The following CHRM3 variants were observed in gnomAD, a reference collection of about 807,000 sequenced individuals.
CHRM3 encodes cholinergic receptor muscarinic 3, also known as muscarinic acetylcholine receptor M3.
A neutral mutation model predicts 41.8 loss-of-function variants in CHRM3; 11 were observed. The observed-to-expected ratio is 0.26, with a 90% CI of 0.17 to 0.44. The LOEUF is 0.44. Ranked by LOEUF, CHRM3 falls within the 20% of genes least tolerant of loss-of-function variation. The probability of loss-of-function intolerance (pLI) is 1.00; values close to 1 mark genes in which losing one functional copy is unlikely to be tolerated. For missense variants in CHRM3, 571 were observed against 745.4 expected (o/e 0.77, Z 2.72); for synonymous variants, 297 against 301.4 (o/e 0.99, Z 0.15).
chr1:239,825,778 G>A (rs1253623087), intron 5 of CHRM3, among the ~76,000 whole-genome samples: 18 of 151,966 alleles, frequency 1.2e-4, no homozygotes, highest in Admixed American at 1.1e-3. Context: ...GCAGTGGTGC[G>A]ATCATAGCTC....
intron 5 of CHRM3, among the ~76,000 whole-genome samples, chr1:239,702,917 C>A (rs1021212712): frequency 6.6e-6 from 1 of 152,186 alleles, no homozygotes; most frequent in Non-Finnish European, 1.5e-5. Context: ...CATCTATAAT[C>A]TATAATAGAT....
At chr1:239,845,710 T>C (rs1282367371) in intron 6 of CHRM3, among the ~76,000 whole-genome samples, 1 of 152,216 alleles carries the variant, frequency 6.6e-6, no homozygotes, top group Non-Finnish European at 1.5e-5. Context: ...ACTTAGTAAA[T>C]CTAAAGAACA....
chr1:239,805,268 C>A (rs1278195087), intron 5 of CHRM3, among the ~76,000 whole-genome samples: 1 of 152,144 alleles, frequency 6.6e-6, no homozygotes, highest in African/African-American at 2.4e-5. Context: ...ATGACATGAC[C>A]TCTGGTGTTA....
At chr1:239,723,124 T>C (rs1663127970) in intron 5 of CHRM3, among the ~76,000 whole-genome samples, 1 of 151,936 alleles carries the variant, frequency 6.6e-6, no homozygotes, top group Non-Finnish European at 1.5e-5. Flanking sequence ...ATGTCAATAA[T>C]ATCTAAACTG....
At chr1:239,684,766 G>GAAAA (rs759296694) in intron 5 of CHRM3, among the ~76,000 whole-genome samples, 1 of 142,724 alleles carries the variant, frequency 7.0e-6, no homozygotes, top group Non-Finnish European at 1.6e-5. Flanking sequence ...AAGAAAGAAA[G>GAAAA]AAAGAGAAAG....
At chr1:239,804,473 T>C (rs1371301542) in intron 5 of CHRM3, among the ~76,000 whole-genome samples, 1 of 152,192 alleles carries the variant, frequency 6.6e-6, no homozygotes, top group East Asian at 1.9e-4. Context: ...TTGAGCTACA[T>C]TGTTTCCGCT....
chr1:239,502,555 A>C (rs1668306576), intron 2 of CHRM3, among the ~76,000 whole-genome samples: 1 of 152,208 alleles, frequency 6.6e-6, no homozygotes, highest in African/African-American at 2.4e-5. Flanking sequence ...CAAGGCAGAG[A>C]AAGAAGGAAC....
chr1:239,689,368 C>T (rs1327092119), intron 5 of CHRM3, among the ~76,000 whole-genome samples: 3 of 151,322 alleles, frequency 2.0e-5, no homozygotes, highest in Admixed American at 6.6e-5. Flanking sequence ...CCTTTGTGCA[C>T]GCAGAAAGAC....
intron 1 of CHRM3, among the ~76,000 whole-genome samples, chr1:239,425,558 C>A (rs1030608274): frequency 6.6e-6 from 1 of 152,144 alleles, no homozygotes; most frequent in Non-Finnish European, 1.5e-5. Flanking sequence ...TATTTGACTT[C>A]ATCTGTAGGT....
At chr1:239,728,836 T>A (rs1663688883) in intron 5 of CHRM3, among the ~76,000 whole-genome samples, 1 of 151,926 alleles carries the variant, frequency 6.6e-6, no homozygotes, top group Non-Finnish European at 1.5e-5. Context: ...ATTATTACTA[T>A]AGATTAAGCC....
At chr1:239,403,868 C>A (rs1332456385) in intron 1 of CHRM3, among the ~76,000 whole-genome samples, 1 of 148,166 alleles carries the variant, frequency 6.7e-6, no homozygotes, top group Non-Finnish European at 1.5e-5. Flanking sequence ...AATCTGCATT[C>A]TAAACACTGT....
At chr1:239,584,944 T>C (rs146588343) in intron 3 of CHRM3, among the ~76,000 whole-genome samples, 6 of 152,198 alleles carry the variant, frequency 3.9e-5, no homozygotes, top group African/African-American at 1.4e-4. Context: ...AATCCTAAGA[T>C]ACAATTAATT....
chr1:239,867,798 G>T (rs1397353165), intron 6 of CHRM3, among the ~76,000 whole-genome samples: 1 of 152,034 alleles, frequency 6.6e-6, no homozygotes, highest in Non-Finnish European at 1.5e-5. Context: ...TTCTGTTGGG[G>T]CCCAGAGACA....
At chr1:239,567,956 C>A (rs926950760) in intron 3 of CHRM3, among the ~76,000 whole-genome samples, 1 of 152,172 alleles carries the variant, frequency 6.6e-6, no homozygotes, top group African/African-American at 2.4e-5. Flanking sequence ...CACTTTGTCC[C>A]ATTTGGCTCC....
intron 5 of CHRM3, among the ~76,000 whole-genome samples, chr1:239,778,758 C>T (rs1310139005): frequency 6.6e-6 from 1 of 152,168 alleles, no homozygotes; most frequent in Non-Finnish European, 1.5e-5. Context: ...GGACATTACC[C>T]ACACACAATC....
intron 3 of CHRM3, among the ~76,000 whole-genome samples, chr1:239,587,172 C>T (rs2148617534): frequency 6.6e-6 from 1 of 152,234 alleles, no homozygotes; most frequent in Non-Finnish European, 1.5e-5. Context: ...CAAGCAGGCC[C>T]CTGGCCTCAC....
At chr1:239,639,931 A>T (rs902488318) in intron 4 of CHRM3, among the ~76,000 whole-genome samples, 1 of 150,564 alleles carries the variant, frequency 6.6e-6, no homozygotes, top group South Asian at 2.1e-4. Flanking sequence ...ATTTTGAGAT[A>T]TGTCCCATCA....
intron 6 of CHRM3, among the ~76,000 whole-genome samples, chr1:239,897,609 G>C (rs1000757538): frequency 1.3e-5 from 2 of 151,840 alleles, no homozygotes; most frequent in African/African-American, 2.4e-5. Flanking sequence ...GTTTGCAGTG[G>C]AACAGAATCC....
chr1:239,530,886 GGCAGA>G (rs1245071862), intron 2 of CHRM3, among the ~76,000 whole-genome samples: 1 of 152,026 alleles, frequency 6.6e-6, no homozygotes, highest in Non-Finnish European at 1.5e-5. Context: ...AAAAGAAAAA[GGCAGA>G]AAAGGCAGAA....
Sources: allele counts gnomAD v4.1 joint callset (sites outside exome capture counted in the v4.1 genomes callset), GRCh38; gene constraint gnomAD v4.1.1; transcripts MANE v1.5; gene names NCBI Gene and HGNC (gene_info 2026-07-23, HGNC 2026-07-21).